NLGN1: variants seen among roughly 807,000 people sequenced by gnomAD.
The protein encoded by NLGN1 is neuroligin 1.
Under a neutral mutation model 65.5 loss-of-function variants are expected in NLGN1, and 12 were observed. The observed-to-expected ratio is 0.18, with a 90% CI of 0.12 to 0.30. The LOEUF is 0.30. Ranked by LOEUF, NLGN1 falls within the 10% of genes least tolerant of loss-of-function variation. The pLI, the probability that NLGN1 is intolerant of heterozygous loss-of-function variation, is 1.00. For missense variants in NLGN1, 750 were observed against 1,007.1 expected, an observed-to-expected ratio of 0.74 and a Z score of 3.46; for synonymous variants, 350 against 359.5, an observed-to-expected ratio of 0.97 and a Z score of 0.30.
At chr3:173,988,170 A>G (rs1720347748) in intron 4 of NLGN1, among the ~76,000 whole-genome samples, 1 of 152,204 alleles carries the variant, frequency 6.6e-6, no homozygotes, top group South Asian at 2.1e-4. Context: ...CACAAAGGCC[A>G]GTGTAAACAA....
intron 2 of NLGN1, among the ~76,000 whole-genome samples, chr3:173,577,647 A>G (rs182448368): frequency 1.3e-5 from 2 of 152,312 alleles, no homozygotes; most frequent in East Asian, 1.9e-4. Context: ...AATGTAACAT[A>G]GTTTTGTCAT....
At chr3:174,229,333 C>T (rs1740280589) in intron 4 of NLGN1, among the ~76,000 whole-genome samples, 1 of 152,076 alleles carries the variant, frequency 6.6e-6, no homozygotes, top group Admixed American at 6.6e-5. Flanking sequence ...AATGTGCAAT[C>T]TCAGTTTCCT....
chr3:173,894,766 T>C (rs1332406763), intron 4 of NLGN1, among the ~76,000 whole-genome samples: 1 of 151,942 alleles, frequency 6.6e-6, no homozygotes, highest in Non-Finnish European at 1.5e-5. Context: ...GCTTCCCAAT[T>C]AGCTAGGATT....
At chr3:173,862,897 C>A (rs13063155) in intron 4 of NLGN1, among the ~76,000 whole-genome samples, 1 of 152,136 alleles carries the variant, frequency 6.6e-6, no homozygotes, top group Non-Finnish European at 1.5e-5. Flanking sequence ...CTTCTCTAAT[C>A]TCTGCCTCCA....
intron 4 of NLGN1, among the ~76,000 whole-genome samples, chr3:174,160,924 C>A (rs1429650335): frequency 6.6e-6 from 1 of 151,452 alleles, no homozygotes; most frequent in Non-Finnish European, 1.5e-5. Flanking sequence ...ACCTCCTGCC[C>A]TCAACCCCTC....
At chr3:174,131,526 A>T (rs1561117652) in intron 4 of NLGN1, among the ~76,000 whole-genome samples, 1 of 152,164 alleles carries the variant, frequency 6.6e-6, no homozygotes, top group Admixed American at 6.5e-5. Flanking sequence ...TGGAAAATGA[A>T]CCTTATAATG....
At position 173,565,179 on chromosome 3, in the gene NLGN1, T is replaced by C. The variant is rs528246166; in HGVS notation, c.-320-39100T>C. On this transcript the variant is annotated intron_variant, in intron 2 of 6. Transcript: ENST00000457714. ...AACATCAGAAGTCAGTTCTAGGAAA[T>C]AGGCCTTATGAGAAGGACAGCCAGG... Among the ~76,000 whole-genome samples the C allele has an allele frequency of 1.7e-3, 256 of 152,244 alleles. 3 individuals are homozygous for C. The highest frequency in any genetic ancestry group is 5.8e-3 in the African/African-American group (242 of 41,550).
intron 4 of NLGN1, among the ~76,000 whole-genome samples, chr3:174,217,624 A>G (rs757664971): frequency 6.6e-5 from 10 of 152,058 alleles, no homozygotes; most frequent in Non-Finnish European, 1.2e-4. Context: ...TTCATGACAT[A>G]ATTACCTCCC....
rs1001359240 is a variant in NLGN1, at chr3:173,421,623, G to T, written c.-389-13387G>T. On this transcript the variant is annotated intron_variant, in intron 1 of 6. Transcript: ENST00000457714. Reference sequence around the variant, plus strand: ...GGGCTCAAGCAGTTCTTCTGCCTCAGTCTGGGACTACAGACTGAGGCAGAA... The same window carrying T: ...GGGCTCAAGCAGTTCTTCTGCCTCATTCTGGGACTACAGACTGAGGCAGAA... 4.0e-5 allele frequency among the ~76,000 whole-genome samples: 6 copies of T among 151,892 alleles called. No homozygotes were observed. The East Asian group carries it at 5.8e-4, about 15-fold the overall frequency.
At chr3:173,480,804 T>A (rs2148965945) in intron 2 of NLGN1, among the ~76,000 whole-genome samples, 1 of 152,200 alleles carries the variant, frequency 6.6e-6, no homozygotes, top group African/African-American at 2.4e-5. Context: ...TTTGAAACTA[T>A]CTAGACTGTA....
chr3:173,452,786 G>T (rs145390354), intron 2 of NLGN1, among the ~76,000 whole-genome samples: 182 of 152,296 alleles, frequency 1.2e-3, no homozygotes, highest in Non-Finnish European at 2.1e-3. Context: ...GAAATACTGT[G>T]TGTTCGGTTC....
chr3:174,047,077 T>A (rs897293875), intron 4 of NLGN1, among the ~76,000 whole-genome samples: 31 of 152,008 alleles, frequency 2.0e-4, no homozygotes, highest in African/African-American at 7.0e-4. Flanking sequence ...TTTCTCTGCC[T>A]TAAGTTGCTA....
intron 3 of NLGN1, among the ~76,000 whole-genome samples, chr3:173,722,241 C>CTTTTTT (rs58327862): frequency 3.0e-5 from 3 of 100,106 alleles, no homozygotes; most frequent in African/African-American, 7.5e-5. Context: ...TCTTCTTCTT[C>CTTTTTT]TTTTTTTTTT....
chr3:174,030,288 G>C (rs1262580137), intron 4 of NLGN1, among the ~76,000 whole-genome samples: 1 of 151,958 alleles, frequency 6.6e-6, no homozygotes, highest in Admixed American at 6.6e-5. Flanking sequence ...ACCATGCCTG[G>C]CTAATTTTTG....
chr3:174,028,898 T>C (rs1729363082), intron 4 of NLGN1, among the ~76,000 whole-genome samples: 1 of 152,186 alleles, frequency 6.6e-6, no homozygotes, highest in African/African-American at 2.4e-5. Context: ...CTTGCTGCTT[T>C]GTGCGGTCTC....
At chr3:174,023,902 A>G (rs1470007117) in intron 4 of NLGN1, among the ~76,000 whole-genome samples, 1 of 152,114 alleles carries the variant, frequency 6.6e-6, no homozygotes, top group Admixed American at 6.6e-5. Context: ...CTGACTGCCA[A>G]TAACACCTTG....
intron 4 of NLGN1, among the ~76,000 whole-genome samples, chr3:174,197,434 T>C (rs1315926512): frequency 6.6e-6 from 1 of 150,896 alleles, no homozygotes; most frequent in Non-Finnish European, 1.5e-5. Flanking sequence ...GATAAATGAA[T>C]TCCAAATATT....
intron 4 of NLGN1, among the ~76,000 whole-genome samples, chr3:174,101,057 G>A (rs779384716): frequency 6.6e-6 from 1 of 152,004 alleles, no homozygotes; most frequent in Non-Finnish European, 1.5e-5. Context: ...TCAACTATGT[G>A]ATATCAACAT....
intron 4 of NLGN1, among the ~76,000 whole-genome samples, chr3:174,011,111 G>A (rs1386666524): frequency 6.6e-6 from 1 of 152,088 alleles, no homozygotes; most frequent in South Asian, 2.1e-4. Context: ...AAAGGTAACT[G>A]TTTCATATCA....
Sources: gnomAD v4.1 joint callset for allele counts (sites outside exome capture counted in the v4.1 genomes callset) on GRCh38, gnomAD v4.1.1 for gene constraint, MANE v1.5 for transcripts, NCBI Gene and HGNC (gene_info 2026-07-23, HGNC 2026-07-21) for gene names.